The following MIPEP variants were observed in gnomAD, a reference collection of about 807,000 sequenced individuals.
The protein encoded by MIPEP is mitochondrial intermediate peptidase.
Under a neutral mutation model 90.3 loss-of-function variants are expected in MIPEP, and 79 were observed. That is an observed-to-expected ratio of 0.87 (90% confidence interval 0.73 to 1.05). The LOEUF (loss-of-function observed/expected upper bound fraction) is 1.05. MIPEP is among the 50% of genes least tolerant of loss of function. The pLI is 0.00. For missense variants in MIPEP, 940 were observed against 905.6 expected (o/e 1.04, Z -0.49); for synonymous variants, 334 against 315.8 (o/e 1.06, Z -0.61).
chr13:23,860,338 C>T (rs1477773592), intron 9 of MIPEP, among the ~76,000 whole-genome samples: 1 of 152,190 alleles, frequency 6.6e-6, no homozygotes, highest in Non-Finnish European at 1.5e-5. Flanking sequence ...AGCTGCTCAC[C>T]ATGCCATATT....
chr13:23,827,179 G>A (rs1214744650), intron 14 of MIPEP, among the ~76,000 whole-genome samples: 1 of 147,920 alleles, frequency 6.8e-6, no homozygotes, highest in East Asian at 2.0e-4. Flanking sequence ...AGAGATTACA[G>A]TGATAAAGTG....
intron 18 of MIPEP, among the ~76,000 whole-genome samples, chr13:23,732,478 A>C (rs1952217159): frequency 6.6e-6 from 1 of 152,236 alleles, no homozygotes; most frequent in Non-Finnish European, 1.5e-5. Context: ...TCAACAAAGA[A>C]ACAACTTGTA....
intron 16 of MIPEP, among the ~76,000 whole-genome samples, chr13:23,796,460 G>C (rs1277982194): frequency 6.6e-6 from 1 of 151,836 alleles, no homozygotes; most frequent in African/African-American, 2.4e-5. Flanking sequence ...AAGGGAATGA[G>C]AGAACAGGAA....
intron 18 of MIPEP, among the ~76,000 whole-genome samples, chr13:23,745,786 A>G (rs1017516499): frequency 6.6e-6 from 1 of 151,668 alleles, no homozygotes; most frequent in Non-Finnish European, 1.5e-5. Context: ...AAATTAGCGA[A>G]GTGTGGTGGT....
chr13:23,889,004 T>C (rs1871665046), intron 1 of MIPEP, 128 bp downstream of exon 1: 2 of 892,594 alleles, frequency 2.2e-6, no homozygotes, highest in South Asian at 3.1e-5. Context: ...AAGACGCCAC[T>C]GTAAAAGGTG....
At chr13:23,803,749 C>T (rs555723875) in intron 16 of MIPEP, among the ~76,000 whole-genome samples, 2 of 152,222 alleles carry the variant, frequency 1.3e-5, no homozygotes, top group South Asian at 2.1e-4. Context: ...AACTTGATGT[C>T]GGGAATGTTA....
chr13:23,857,183 C>G (rs904395977), intron 10 of MIPEP, among the ~76,000 whole-genome samples: 1 of 151,950 alleles, frequency 6.6e-6, no homozygotes, highest in Non-Finnish European at 1.5e-5. Context: ...TTTTTTAATG[C>G]AACTATAGGG....
intron 7 of MIPEP, among the ~76,000 whole-genome samples, chr13:23,868,237 T>C (rs1035266516): frequency 6.6e-6 from 1 of 151,932 alleles, no homozygotes; most frequent in East Asian, 1.9e-4. Flanking sequence ...GGGTAAGATT[T>C]TAACAGGCAG....
chr13:23,881,605 A>C, intron 3 of MIPEP, 94 bp downstream of exon 3: 1 of 1,063,392 alleles, frequency 9.4e-7, no homozygotes, highest in Non-Finnish European at 1.4e-6. Context: ...TGGGTGAGGG[A>C]CAAGCGCTAT....
intron 15 of MIPEP, among the ~76,000 whole-genome samples, chr13:23,807,839 T>C (rs1356732707): frequency 1.3e-5 from 2 of 152,176 alleles, no homozygotes; most frequent in Non-Finnish European, 2.9e-5. Context: ...CAAAATGATA[T>C]AAACATGGGG....
At chr13:23,875,895 T>G (rs774989385) in intron 4 of MIPEP, among the ~76,000 whole-genome samples, 2 of 152,192 alleles carry the variant, frequency 1.3e-5, no homozygotes, top group Non-Finnish European at 2.9e-5. Flanking sequence ...ATCTTGCTCT[T>G]TCTTGTAAAA....
chr13:23,745,922 T>C (rs916152614), intron 18 of MIPEP, among the ~76,000 whole-genome samples: 5 of 151,014 alleles, frequency 3.3e-5, no homozygotes, highest in Admixed American at 3.3e-4. Context: ...AGAGCAAGAC[T>C]ATGTCTCAAA....
At chr13:23,774,415 T>G (rs1593146064) in intron 16 of MIPEP, among the ~76,000 whole-genome samples, 1 of 152,178 alleles carries the variant, frequency 6.6e-6, no homozygotes, top group South Asian at 2.1e-4. Flanking sequence ...GTGAGAAATT[T>G]TATTAGATTT....
chr13:23,842,998 T>G (rs1566014424), intron 10 of MIPEP, among the ~76,000 whole-genome samples: 1 of 147,196 alleles, frequency 6.8e-6, no homozygotes, highest in Non-Finnish European at 1.5e-5. Flanking sequence ...CTCGGGAGGC[T>G]GAGGCAGAGA....
intron 10 of MIPEP, among the ~76,000 whole-genome samples, chr13:23,855,593 C>T (rs544970552): frequency 2.5e-4 from 38 of 152,286 alleles, no homozygotes; most frequent in African/African-American, 8.7e-4. Context: ...CAAACCCAAC[C>T]TATGATATTT....
intron 10 of MIPEP, among the ~76,000 whole-genome samples, chr13:23,852,092 T>C (rs1052635652): frequency 2.6e-5 from 4 of 152,054 alleles, no homozygotes; most frequent in African/African-American, 9.7e-5. Context: ...CTGTTGCTGA[T>C]AATATGACAA....
At chr13:23,843,850 G>T (rs1023126950) in intron 10 of MIPEP, among the ~76,000 whole-genome samples, 8 of 152,182 alleles carry the variant, frequency 5.3e-5, no homozygotes, top group African/African-American at 1.9e-4. Flanking sequence ...TGATGAGAAA[G>T]ACAGAACAAT....
At position 23,884,926 on chromosome 13, in the gene MIPEP, C is replaced by G. The variant is rs115955053; in HGVS notation, c.363+1407G>C. ...TGCTGCTTTCCTTGACAAGAGTAAC[C>G]AAGAGTCAGCTCCTTCAAGCTGATA... On this transcript the variant is annotated intron_variant, in intron 2 of 18. Transcript: ENST00000382172. Among the ~76,000 whole-genome samples, 578 of 152,192 alleles carry G rather than the reference C, an allele frequency of 3.8e-3. 3 individuals carry two copies. Among genetic ancestry groups the G allele is most frequent in the African/African-American group, 0.013 (521 of 41,506 alleles).
At chr13:23,814,489 C>T (rs530719138) in intron 14 of MIPEP, among the ~76,000 whole-genome samples, 1 of 152,236 alleles carries the variant, frequency 6.6e-6, no homozygotes, top group African/African-American at 2.4e-5. Flanking sequence ...TCTCGATCTC[C>T]TGACCTTGTG....
Sources: gnomAD v4.1 joint callset for allele counts (sites outside exome capture counted in the v4.1 genomes callset) on GRCh38, gnomAD v4.1.1 for gene constraint, MANE v1.5 for transcripts, NCBI Gene and HGNC (gene_info 2026-07-23, HGNC 2026-07-21) for gene names.